Variants in NECTIN1 observed in about 807,000 individuals in gnomAD.
NECTIN1 encodes nectin cell adhesion molecule 1.
Under a neutral mutation model 48.0 loss-of-function variants are expected in NECTIN1, and 23 were observed. The observed-to-expected ratio is 0.48, with a 90% CI of 0.34 to 0.68. NECTIN1 has a LOEUF of 0.68. NECTIN1 is among the 30% of genes least tolerant of loss of function. The probability of loss-of-function intolerance (pLI) is 0.01; values close to 1 mark genes in which losing one functional copy is unlikely to be tolerated. For missense variants in NECTIN1, 591 were observed against 709.9 expected (o/e 0.83, Z 1.90); for synonymous variants, 270 against 288.9 (o/e 0.93, Z 0.66).
At chr11:119,696,996 C>T (rs537810686) in intron 1 of NECTIN1, among the ~76,000 whole-genome samples, 3 of 152,100 alleles carry the variant, frequency 2.0e-5, no homozygotes, top group South Asian at 4.1e-4. Flanking sequence ...GCCCCCTCCC[C>T]GCCTCCTATG....
chr11:119,670,517 A>C (rs1030904265), intron 5 of NECTIN1, among the ~76,000 whole-genome samples: 1 of 152,150 alleles, frequency 6.6e-6, no homozygotes, highest in African/African-American at 2.4e-5. Flanking sequence ...ATAAACCTGC[A>C]TGGGGCCCAC....
At position 119,676,884 on chromosome 11, in the gene NECTIN1, T is replaced by C. The variant is rs926630159; in HGVS notation, c.851+218A>G. On this transcript the variant is annotated intron_variant, in intron 4 of 5. Coordinates refer to ENST00000264025, the MANE Select transcript of NECTIN1 (RefSeq NM_002855.5). ...CACAAAGGAAACCCCTCTGGCAGAA[T>C]AGCTTGTTCCATTGACCTTGACACT... 18 of 595,548 alleles carry C rather than the reference T, an allele frequency of 3.0e-5. 1 individual carries two copies. The South Asian group carries it at 3.3e-4, about 11-fold the overall frequency. The allele number at this position is 595,548 out of a possible 1,614,324, so 36.9% of individuals were successfully genotyped here.
Position 119,678,539 on chromosome 11 carries a change from G to A in NECTIN1, c.306C>T (p.Pro102=). ...PYRERVEFLR[P]SFTDGTIRLS... The stretch of plus-strand genomic sequence containing the variant: ...GGCGGATAGTGCCATCGGTGAAGGA[G>A]GGCCGCAGGAATTCCACACGCTCGC... Residue 102 remains proline (P), a synonymous_variant, in exon 2 of 6, where the codon CCC becomes CCT. Coordinates refer to ENST00000264025, the MANE Select transcript of NECTIN1 (RefSeq NM_002855.5). This position sits in a 1 kb window ranked among gnomAD's most constrained non-coding sequence, Gnocchi z 4.4. The A allele has an allele frequency of 6.2e-7, 1 of 1,614,236 alleles. No individual in the cohort carries two copies.
intron 1 of NECTIN1, among the ~76,000 whole-genome samples, chr11:119,685,125 C>A (rs960932112): frequency 2.6e-5 from 4 of 152,240 alleles, no homozygotes; most frequent in Non-Finnish European, 1.5e-5. Context: ...ATCTCTGTCT[C>A]CCCTGCTGCC....
At position 119,675,982 on chromosome 11, in the gene NECTIN1, G is replaced by T. The variant is rs1433580555; in HGVS notation, c.852-672C>A. 2.0e-5 allele frequency among the ~76,000 whole-genome samples: 3 copies of T among 150,164 alleles called. No homozygotes were observed. In the East Asian group the frequency reaches 5.9e-4, roughly 29 times the overall value. On this transcript the variant is annotated intron_variant, in intron 4 of 5. Transcript: ENST00000264025. Reference sequence around the variant, plus strand: ...GATTGCGCCATTGCACTCCAGCCTGGGTGACAGAGTGAAAATCCGTCTCAA... The same window carrying T: ...GATTGCGCCATTGCACTCCAGCCTGTGTGACAGAGTGAAAATCCGTCTCAA...
At chr11:119,647,168 T>TGTGTGCGTGTGC (rs1432982654) in intron 5 of NECTIN1, among the ~76,000 whole-genome samples, 1 of 47,146 alleles carries the variant, frequency 2.1e-5, no homozygotes, top group Admixed American at 2.0e-4. Context: ...CGCATGTGTG[T>TGTGTGCGTGTGC]GTGTGTGTGT....
chr11:119,672,454 T>C lies in NECTIN1; in HGVS notation c.1003+2705A>G, dbSNP rs1864873811. 6.6e-6 allele frequency among the ~76,000 whole-genome samples: 1 copy of C among 152,118 alleles called. No individual in the cohort carries two copies. The highest frequency in any genetic ancestry group is 2.4e-5 in the African/African-American group (1 of 41,422). ...TCTGTGTAAGGGCCTCTGAAAGGGG[T>C]TCTCTGGGGCCTGTGCCCACGGAAG... On this transcript the variant is annotated intron_variant, in intron 5 of 5. Transcript: ENST00000264025. This position sits in a 1 kb window ranked among gnomAD's most constrained non-coding sequence, Gnocchi z 4.3.
At position 119,672,208 on chromosome 11, in the gene NECTIN1, T is replaced by C. The variant is rs553837844; in HGVS notation, c.1003+2951A>G. On this transcript the variant is annotated intron_variant, in intron 5 of 5. Coordinates refer to ENST00000264025, the MANE Select transcript of NECTIN1 (RefSeq NM_002855.5). The surrounding 1 kb of genome is among the most constrained non-coding windows in gnomAD (Gnocchi z 4.3). Reference sequence around the variant, plus strand: ...ATGGACATCCTACACCCTGGCAGCCTCCCTGTCCTGCTCTTGGGAGTGGCG... The same window carrying C: ...ATGGACATCCTACACCCTGGCAGCCCCCCTGTCCTGCTCTTGGGAGTGGCG... Among the ~76,000 whole-genome samples the C allele has an allele frequency of 3.3e-5, 5 of 152,192 alleles. No homozygotes were observed. The East Asian group carries it at 9.7e-4, about 29-fold the overall frequency.
chr11:119,726,008 C>A (rs2134350319), intron 1 of NECTIN1, among the ~76,000 whole-genome samples: 1 of 152,308 alleles, frequency 6.6e-6, no homozygotes, highest in East Asian at 1.9e-4. Flanking sequence ...TTTGGGGCTT[C>A]ACCACACTGC....
intron 1 of NECTIN1, among the ~76,000 whole-genome samples, chr11:119,688,626 G>T (rs1438986662): frequency 2.0e-5 from 3 of 152,188 alleles, no homozygotes; most frequent in Non-Finnish European, 4.4e-5. Context: ...AGGGAGTAAA[G>T]CTCAGGCAGG....
At chr11:119,671,086 G>C (rs1358576148) in intron 5 of NECTIN1, among the ~76,000 whole-genome samples, 1 of 151,760 alleles carries the variant, frequency 6.6e-6, no homozygotes, top group African/African-American at 2.4e-5. Flanking sequence ...ACTTTCGAGT[G>C]AGGATACTGA....
At chr11:119,681,021 G>A (rs1412694251) in intron 1 of NECTIN1, among the ~76,000 whole-genome samples, 3 of 152,232 alleles carry the variant, frequency 2.0e-5, no homozygotes, top group African/African-American at 7.2e-5. Flanking sequence ...GGCCTCCCGA[G>A]TCCCAGTGGT....
Position 119,678,803 on chromosome 11 carries a change from C to T in NECTIN1, c.80-38G>A, listed in dbSNP as rs1039837197. ...ATGGCAGCAAGTGGTCAGTGTCAGGCACAGCCTCCCCCCACCCACACAGTT... is the reference window on the plus strand; with the variant it reads ...ATGGCAGCAAGTGGTCAGTGTCAGGTACAGCCTCCCCCCACCCACACAGTT... On this transcript the variant is annotated intron_variant, in intron 1 of 5. Transcript: ENST00000264025. The surrounding 1 kb of genome is among the most constrained non-coding windows in gnomAD (Gnocchi z 4.4). The T allele has an allele frequency of 1.4e-6, 2 of 1,437,244 alleles. No homozygotes were observed. Among genetic ancestry groups the T allele is most frequent in the Non-Finnish European group, 1.9e-6 (2 of 1,038,070 alleles). The allele number at this position is 1,437,244 out of a possible 1,614,324, so 89.0% of individuals were successfully genotyped here.
rs945572395 is a variant in NECTIN1, at chr11:119,728,608, A to C, written c.-55T>G. 7.7e-5 allele frequency: 97 copies of C among 1,258,040 alleles called. No individual in the cohort carries two copies. The highest frequency in any genetic ancestry group is 1.1e-4 in the Non-Finnish European group (96 of 910,558). The allele number at this position is 1,258,040 out of a possible 1,614,324, so 77.9% of individuals were successfully genotyped here. On this transcript the variant is annotated 5_prime_UTR_variant, in exon 1 of 6. Transcript: ENST00000264025. ...GCGAGGGCAGCGCTCCTCGCGCAGC[A>C]GAAACCAGCCCGGAAGATGAGGGAA...
In NECTIN1 at chr11:119,678,881, T is replaced by C; in HGVS notation, c.80-116A>G. On this transcript the variant is annotated intron_variant, in intron 1 of 5. Coordinates refer to ENST00000264025, the MANE Select transcript of NECTIN1 (RefSeq NM_002855.5). The surrounding 1 kb of genome is among the most constrained non-coding windows in gnomAD (Gnocchi z 4.4). The stretch of plus-strand genomic sequence containing the variant: ...GCAGTCATTATTGTTTTTATTCCGA[T>C]TGTAAAAATATTAATTACTTGTTAT... 1.4e-6 allele frequency: 1 copy of C among 735,082 alleles called. No homozygotes were observed. Among genetic ancestry groups the C allele is most frequent in the South Asian group, 1.5e-5 (1 of 65,062 alleles). 45.5% of individuals were successfully genotyped at this position (735,082 alleles called of 1,614,324 possible).
Position 119,661,133 on chromosome 11 carries a change from C to G in NECTIN1, c.*3614G>C. 4 of 985,790 alleles carry G rather than the reference C, an allele frequency of 4.1e-6. No homozygotes were observed. The highest frequency in any genetic ancestry group is 4.8e-6 in the Non-Finnish European group (4 of 829,932). 61.1% of individuals were successfully genotyped at this position (985,790 alleles called of 1,614,324 possible). The stretch of plus-strand genomic sequence containing the variant: ...GAACCAGGAGGATCTGCTGGGCTGT[C>G]CCTGGACCAAAGGCGGAAAGGGCGA... On this transcript the variant is annotated 3_prime_UTR_variant, in exon 6 of 6. Coordinates refer to ENST00000264025, the MANE Select transcript of NECTIN1 (RefSeq NM_002855.5).
chr11:119,640,125 A>G, intron 5 of NECTIN1: 2 of 1,177,878 alleles, frequency 1.7e-6, no homozygotes, highest in Non-Finnish European at 2.4e-6. Flanking sequence ...TTGACATTGC[A>G]CCCCCAGCTC....
chr11:119,644,764 C>T (rs1864373373), intron 5 of NECTIN1, among the ~76,000 whole-genome samples: 1 of 151,644 alleles, frequency 6.6e-6, no homozygotes, highest in East Asian at 1.9e-4. Flanking sequence ...TACCGGGGCA[C>T]GTGTGTGAAA....
In NECTIN1 at chr11:119,664,347, C is replaced by A; in HGVS notation, c.*400G>T. The A allele has an allele frequency of 1.9e-6, 2 of 1,031,190 alleles. No individual in the cohort carries two copies. Among genetic ancestry groups the A allele is most frequent in the South Asian group, 7.9e-5 (2 of 25,386 alleles). The allele number at this position is 1,031,190 out of a possible 1,614,324, so 63.9% of individuals were successfully genotyped here. On this transcript the variant is annotated 3_prime_UTR_variant, in exon 6 of 6. Transcript: ENST00000264025. ...TTTTCCCTCTTAGAGCCCCTTGAGC[C>A]CTCCACCCCCAGTGAAGAAACACAA...
Sources: gnomAD v4.1 joint callset for allele counts (sites outside exome capture counted in the v4.1 genomes callset) on GRCh38, gnomAD v4.1.1 for gene constraint, Gnocchi (gnomAD v3.1) non-coding constraint, MANE v1.5 for transcripts, NCBI Gene and HGNC (gene_info 2026-07-23, HGNC 2026-07-21) for gene names.